USP34: variants seen among roughly 807,000 people sequenced by gnomAD.
USP34 encodes the protein ubiquitin specific peptidase 34, also known as ubiquitin carboxyl-terminal hydrolase 34.
USP34 carries 70 observed loss-of-function variants against 460.3 expected under a neutral mutation model. The observed-to-expected ratio is 0.15, with a 90% CI of 0.13 to 0.19. USP34 has a LOEUF of 0.19. Ranked by LOEUF, USP34 falls within the 10% of genes least tolerant of loss-of-function variation. USP34 has a pLI of 1.00. For synonymous variants in USP34, 1,647 were observed against 1,405.3 expected (o/e 1.17, Z -3.85); for missense variants, 3,985 against 4,236.2 (o/e 0.94, Z 1.65).
At chr2:61,256,618 A>T in intron 47 of USP34, 140 bp from the exon 48 acceptor site, 1 of 695,516 alleles carries the variant, frequency 1.4e-6, no homozygotes, top group Non-Finnish European at 2.3e-6. Context: ...TTTTAGTAAA[A>T]AACTGTTTTT....
chr2:61,355,864 G>T (rs756483259), intron 10 of USP34, among the ~76,000 whole-genome samples: 6 of 152,106 alleles, frequency 3.9e-5, no homozygotes, highest in Admixed American at 3.9e-4. Flanking sequence ...TAAGAGGTTT[G>T]CTTTATATCC....
At chr2:61,298,364 C>CAAAAAAAAAAAAAAA (rs11417017) in intron 29 of USP34, among the ~76,000 whole-genome samples, 1 of 48,046 alleles carries the variant, frequency 2.1e-5, no homozygotes, top group Non-Finnish European at 3.6e-5. Context: ...TACAAAAATA[C>CAAAAAAAAAAAAAAA]AAAAAAAAAA....
chr2:61,227,701 A>G (rs560361790), intron 61 of USP34, among the ~76,000 whole-genome samples: 77 of 150,554 alleles, frequency 5.1e-4, no homozygotes, highest in Non-Finnish European at 1.0e-3. Flanking sequence ...ACAGAGTGAG[A>G]CTCTGTCTCA....
intron 34 of USP34, among the ~76,000 whole-genome samples, chr2:61,286,688 G>A (rs1572901591): frequency 4.6e-5 from 7 of 151,854 alleles, no homozygotes; most frequent in Admixed American, 4.6e-4. Flanking sequence ...CATGTGCATA[G>A]AAAAAAATCT....
chr2:61,264,445 G>A (rs988000492), intron 43 of USP34, among the ~76,000 whole-genome samples: 2 of 151,708 alleles, frequency 1.3e-5, no homozygotes, highest in African/African-American at 4.9e-5. Context: ...GACCAGCCTG[G>A]GCAACACAGT....
chr2:61,357,958 A>C (rs1364762474), intron 10 of USP34, among the ~76,000 whole-genome samples: 1 of 152,204 alleles, frequency 6.6e-6, no homozygotes. Context: ...TGGGAGGCCA[A>C]GGCAGGTGGA....
At chr2:61,373,083 T>C (rs976233770) in intron 8 of USP34, among the ~76,000 whole-genome samples, 1 of 152,184 alleles carries the variant, frequency 6.6e-6, no homozygotes, top group East Asian at 1.9e-4. Flanking sequence ...AGCCATGTTT[T>C]TTATCTTATT....
At chr2:61,355,693 T>G (rs564096775) in intron 10 of USP34, among the ~76,000 whole-genome samples, 1 of 151,238 alleles carries the variant, frequency 6.6e-6, no homozygotes, top group African/African-American at 2.4e-5. Flanking sequence ...ATGGAAGAAA[T>G]GAGGCAGAAA....
rs1433422310 is a variant in USP34 at position 61,280,954 on chromosome 2, A to G, written c.5151+136T>C. 2.1e-5 allele frequency: 19 copies of G among 905,552 alleles called. No homozygotes were observed. The South Asian group carries it at 2.5e-4, about 12-fold the overall frequency. The allele number at this position is 905,552 out of a possible 1,614,324, so 56.1% of individuals were successfully genotyped here. On this transcript the variant is annotated intron_variant, in intron 38 of 79. Transcript: ENST00000398571. ...ACAATGCTGTCACCTTAAGTAGTAT[A>G]TAACTACTATCCTCTTGGTAAAAAA...
chr2:61,191,907 A>G (rs919243806), intron 76 of USP34, among the ~76,000 whole-genome samples: 2 of 152,236 alleles, frequency 1.3e-5, no homozygotes, highest in African/African-American at 4.8e-5. Flanking sequence ...CTGTATGCTA[A>G]GTCAAGTGAG....
chr2:61,367,093 A>G (rs1040367481), intron 10 of USP34, among the ~76,000 whole-genome samples: 3 of 152,176 alleles, frequency 2.0e-5, no homozygotes, highest in African/African-American at 7.2e-5. Flanking sequence ...CAGACAAGAG[A>G]TATGAATATG....
chr2:61,397,005 T>G (rs1036599155), intron 3 of USP34, among the ~76,000 whole-genome samples: 2 of 152,228 alleles, frequency 1.3e-5, no homozygotes, highest in Non-Finnish European at 2.9e-5. Flanking sequence ...CTGTTACATT[T>G]CTGAAAGAAA....
chr2:61,350,157 T>G (rs1464634453), intron 12 of USP34, 103 bp downstream of exon 12: 1 of 1,291,912 alleles, frequency 7.7e-7, no homozygotes, highest in African/African-American at 1.5e-5. Flanking sequence ...CATCCCACAC[T>G]TATTTTAAAA....
At chr2:61,356,060 T>A (rs536550961) in intron 10 of USP34, among the ~76,000 whole-genome samples, 1 of 151,908 alleles carries the variant, frequency 6.6e-6, no homozygotes, top group South Asian at 2.1e-4. Flanking sequence ...GGTATATGTC[T>A]AAAAGAATTC....
intron 27 of USP34, among the ~76,000 whole-genome samples, chr2:61,308,831 A>G (rs1023530648): frequency 6.6e-6 from 1 of 152,190 alleles, no homozygotes; most frequent in Non-Finnish European, 1.5e-5. Context: ...GCTTGAGCTC[A>G]AGAGTTTGAG....
chr2:61,250,319 T>C (rs1164929359), intron 48 of USP34: 1 of 182,100 alleles, frequency 5.5e-6, no homozygotes. Context: ...ATGGGATTGG[T>C]TGAGTTAACC....
At chr2:61,467,617 GTTTTTTTTTT>G (rs3980937) in intron 1 of USP34, among the ~76,000 whole-genome samples, 4 of 106,022 alleles carry the variant, frequency 3.8e-5, no homozygotes, top group Non-Finnish European at 7.1e-5. Context: ...CTGTAACTTT[GTTTTTTTTTT>G]TTTTTTTTTT....
intron 39 of USP34, among the ~76,000 whole-genome samples, 161 bp from the exon 40 acceptor site, chr2:61,278,604 C>G (rs528166612): frequency 6.6e-6 from 1 of 152,000 alleles, no homozygotes; most frequent in Admixed American, 6.6e-5. Flanking sequence ...TACATTATGT[C>G]AATTAACCAA....
chr2:61,358,170 C>T (rs1692162495), intron 10 of USP34, among the ~76,000 whole-genome samples: 1 of 146,512 alleles, frequency 6.8e-6, no homozygotes, highest in South Asian at 2.4e-4. Context: ...CCAGCCTGGG[C>T]AAGACAGAGC....
Sources: allele counts gnomAD v4.1 joint callset (sites outside exome capture counted in the v4.1 genomes callset), GRCh38; gene constraint gnomAD v4.1.1; transcripts MANE v1.5; gene names NCBI Gene and HGNC (gene_info 2026-07-23, HGNC 2026-07-21).